Variants in GALNT17 observed in about 807,000 individuals in gnomAD.
GALNT17 encodes polypeptide N-acetylgalactosaminyltransferase 17.
In GALNT17, 29 loss-of-function variants were observed where a neutral mutation model predicts 63.7. That is an observed-to-expected ratio of 0.46 (90% CI 0.34 to 0.62). The LOEUF is 0.62. Among genes scored for constraint, GALNT17 ranks in the 20% least tolerant of loss-of-function variants. The probability of loss-of-function intolerance (pLI) is 0.01; values close to 1 mark genes in which losing one functional copy is unlikely to be tolerated. For missense variants in GALNT17, 603 were observed against 799.6 expected (o/e 0.75, Z 2.97); for synonymous variants, 305 against 318.3 (o/e 0.96, Z 0.45).
At chr7:71,201,707 C>G (rs1391031485) in intron 1 of GALNT17, among the ~76,000 whole-genome samples, 2 of 151,592 alleles carry the variant, frequency 1.3e-5, no homozygotes, top group Non-Finnish European at 2.9e-5. Flanking sequence ...TTTCGGCTCA[C>G]TGCAACCTCC....
chr7:71,382,921 T>C (rs1479524871), intron 2 of GALNT17, among the ~76,000 whole-genome samples: 1 of 152,166 alleles, frequency 6.6e-6, no homozygotes, highest in East Asian at 1.9e-4. Context: ...ACGTTTACAT[T>C]GTCATGTAAC....
chr7:71,696,156 A>G (rs917633579), intron 9 of GALNT17, among the ~76,000 whole-genome samples: 5 of 152,138 alleles, frequency 3.3e-5, no homozygotes, highest in Admixed American at 2.6e-4. Flanking sequence ...TCTGTCACCT[A>G]GGCTGGAATG....
At chr7:71,430,630 C>T (rs1209198007) in intron 5 of GALNT17, among the ~76,000 whole-genome samples, 1 of 152,168 alleles carries the variant, frequency 6.6e-6, no homozygotes, top group East Asian at 1.9e-4. Flanking sequence ...ATTTAGCAAT[C>T]CTTAATCCAA....
At chr7:71,170,495 C>G (rs1346844328) in intron 1 of GALNT17, among the ~76,000 whole-genome samples, 2 of 151,984 alleles carry the variant, frequency 1.3e-5, no homozygotes, top group Non-Finnish European at 2.9e-5. Flanking sequence ...GCGATCACCC[C>G]TGGCTAATTT....
At chr7:71,208,049 C>G (rs371774706) in intron 1 of GALNT17, among the ~76,000 whole-genome samples, 2 of 151,972 alleles carry the variant, frequency 1.3e-5, no homozygotes, top group Non-Finnish European at 2.9e-5. Flanking sequence ...GATCCTCCCA[C>G]CTCGGCCTCC....
chr7:71,208,449 CTT>C (rs11341410), intron 1 of GALNT17, among the ~76,000 whole-genome samples: 6,515 of 113,384 alleles, frequency 0.057, 159 homozygotes, highest in African/African-American at 0.14. Context: ...TTAATAAATG[CTT>C]TTTTTTTTTT....
chr7:71,322,154 A>T lies in GALNT17; in HGVS notation c.239-13396A>T, dbSNP rs140590520. Among the ~76,000 whole-genome samples the T allele has an allele frequency of 5.4e-4, 82 of 151,192 alleles. 2 individuals carry two copies. The highest frequency in any genetic ancestry group is 1.9e-3 in the African/African-American group (80 of 41,162). On this transcript the variant is annotated intron_variant, in intron 1 of 10. Transcript: ENST00000333538. ...TTTTTTTGTAGAGACAGGTCTCATT[A>T]TGTTGCCCAGGCTGGTCTCTAACTT...
At chr7:71,632,665 G>C (rs942179414) in intron 6 of GALNT17, among the ~76,000 whole-genome samples, 2 of 152,160 alleles carry the variant, frequency 1.3e-5, no homozygotes, top group Non-Finnish European at 2.9e-5. Context: ...CAAGTGAGAA[G>C]GGCTGGTGGA....
At chr7:71,259,841 C>T (rs1343359972) in intron 1 of GALNT17, among the ~76,000 whole-genome samples, 3 of 151,864 alleles carry the variant, frequency 2.0e-5, no homozygotes, top group African/African-American at 2.4e-5. Flanking sequence ...CAGGGTTTCA[C>T]GGTGTTAGCC....
At position 71,377,112 on chromosome 7, in the gene GALNT17, A is replaced by ATATATATAT. The variant is rs1563047568; in HGVS notation, c.423-11123_423-11122insTATATATAT. Among the ~76,000 whole-genome samples, 19 of 57,226 alleles carry ATATATATAT rather than the reference A, an allele frequency of 3.3e-4. 2 individuals carry two copies. Among genetic ancestry groups the ATATATATAT allele is most frequent in the Non-Finnish European group, 4.8e-4 (15 of 31,202 alleles). The allele number at this position is 57,226 out of a possible 152,430, so 37.5% of individuals were successfully genotyped here. On this transcript the variant is annotated intron_variant, in intron 2 of 10. Transcript: ENST00000333538. ...AAAAAAAAAAAAAATAAAAATAAAA[A>ATATATATAT]AAATATATATATATATATATATATA...
chr7:71,217,991 A>G (rs567412326), intron 1 of GALNT17, among the ~76,000 whole-genome samples: 3 of 152,294 alleles, frequency 2.0e-5, no homozygotes, highest in Non-Finnish European at 2.9e-5. Flanking sequence ...CAGGCTTTCC[A>G]GCTCCATGCT....
chr7:71,446,949 T>C (rs1787172608), intron 5 of GALNT17, among the ~76,000 whole-genome samples: 1 of 152,198 alleles, frequency 6.6e-6, no homozygotes, highest in South Asian at 2.1e-4. Context: ...CTTCTTGACT[T>C]TGACTATGGG....
In GALNT17 at chr7:71,205,210, G is replaced by A. The variant is rs141247511; in HGVS notation, c.238+72170G>A. Among the ~76,000 whole-genome samples, 947 of 143,056 alleles carry A rather than the reference G, an allele frequency of 6.6e-3. 14 individuals are homozygous for A. Among genetic ancestry groups the A allele is most frequent in the African/African-American group, 0.023 (864 of 38,254 alleles). 93.9% of individuals were successfully genotyped at this position (143,056 alleles called of 152,430 possible). On this transcript the variant is annotated intron_variant, in intron 1 of 10. Coordinates refer to ENST00000333538, the MANE Select transcript of GALNT17 (RefSeq NM_022479.3). ...CGCTCTGTTGCCAGGCTGGAGTGCA[G>A]TGGCGTGATCTTTGCTCATTGCAAC...
chr7:71,356,869 C>A (rs1049037149), intron 2 of GALNT17, among the ~76,000 whole-genome samples: 1 of 152,162 alleles, frequency 6.6e-6, no homozygotes, highest in Non-Finnish European at 1.5e-5. Flanking sequence ...GCAACCACCG[C>A]CTTCTGGGTT....
At chr7:71,645,149 C>G (rs1336005032) in intron 6 of GALNT17, among the ~76,000 whole-genome samples, 1 of 152,208 alleles carries the variant, frequency 6.6e-6, no homozygotes, top group Non-Finnish European at 1.5e-5. Context: ...TCAGGAGGCT[C>G]CTGGCCTTTG....
chr7:71,483,299 T>G (rs1210024799), intron 5 of GALNT17, among the ~76,000 whole-genome samples: 2 of 151,946 alleles, frequency 1.3e-5, no homozygotes, highest in African/African-American at 4.8e-5. Flanking sequence ...GGCCAAACTC[T>G]GTCTCTATTA....
rs967668058 is a variant in GALNT17, at chr7:71,145,104, G to T, written c.238+12064G>T. On this transcript the variant is annotated intron_variant, in intron 1 of 10. Transcript: ENST00000333538. ...GGTCATGGATTGGTCAGCATAAGAGGGATGAAATTGTCAGGATGTGGAAAC... is the reference window on the plus strand; with the variant it reads ...GGTCATGGATTGGTCAGCATAAGAGTGATGAAATTGTCAGGATGTGGAAAC... Among the ~76,000 whole-genome samples, 5 of 152,108 alleles carry T rather than the reference G, an allele frequency of 3.3e-5. No individual in the cohort carries two copies. In the East Asian group the frequency reaches 7.7e-4, roughly 23 times the overall value.
intron 6 of GALNT17, among the ~76,000 whole-genome samples, chr7:71,652,676 C>T (rs1174878034): frequency 4.6e-5 from 7 of 152,162 alleles, no homozygotes; most frequent in Non-Finnish European, 8.8e-5. Flanking sequence ...GTAATTTATG[C>T]GTTAAATTTC....
intron 1 of GALNT17, among the ~76,000 whole-genome samples, chr7:71,297,511 C>G (rs1791103744): frequency 6.6e-6 from 1 of 152,086 alleles, no homozygotes; most frequent in Admixed American, 6.5e-5. Flanking sequence ...TGCCTGTAGC[C>G]CCAGCTACTT....
Sources: allele counts gnomAD v4.1 joint callset (sites outside exome capture counted in the v4.1 genomes callset), GRCh38; gene constraint gnomAD v4.1.1; transcripts MANE v1.5; gene names NCBI Gene and HGNC (gene_info 2026-07-23, HGNC 2026-07-21).